The following STK39 variants were observed in gnomAD, a reference collection of about 807,000 sequenced individuals.
STK39 encodes the protein serine/threonine kinase 39, also known as STE20/SPS1-related proline-alanine-rich protein kinase.
A neutral mutation model predicts 77.8 loss-of-function variants in STK39; 20 were observed. That is an observed-to-expected ratio of 0.26 (90% CI 0.18 to 0.37). The LOEUF (loss-of-function observed/expected upper bound fraction) is 0.37, where lower values mean the gene tolerates loss of function less well. Among genes scored for constraint, STK39 ranks in the 10% least tolerant of loss-of-function variants. The pLI is 1.00. For synonymous variants in STK39, 246 were observed against 234.1 expected (o/e 1.05, Z -0.47); for missense variants, 479 against 656.5 (o/e 0.73, Z 2.95).
intron 14 of STK39, among the ~76,000 whole-genome samples, chr2:168,054,685 A>AT (rs200398045): frequency 0.5 from 1,959 of 3,952 alleles, 41 homozygotes; most frequent in African/African-American, 0.51. Flanking sequence ...ATAAGTTAAG[A>AT]CGGTAAACCC....
At position 168,140,646 on chromosome 2, in the gene STK39, T is replaced by A. The variant is rs1355772066; in HGVS notation, c.738+3A>T. The A allele has an allele frequency of 1.3e-6, 2 of 1,590,912 alleles. No individual in the cohort carries two copies. The highest frequency in any genetic ancestry group is 1.1e-5 in the South Asian group (1 of 87,392). ...CAAAAAGTCACTTTTTTTGTTTTTTTACCTGTTCCATGACTTCAGGAGCCA... is the reference window on the plus strand; with the variant it reads ...CAAAAAGTCACTTTTTTTGTTTTTTAACCTGTTCCATGACTTCAGGAGCCA... On this transcript the variant is annotated splice_donor_region_variant and intron_variant, in intron 6 of 17. Coordinates refer to ENST00000355999, the MANE Select transcript of STK39 (RefSeq NM_013233.3).
chr2:168,202,781 A>G (rs1689642801), intron 1 of STK39, among the ~76,000 whole-genome samples: 1 of 152,324 alleles, frequency 6.6e-6, no homozygotes, highest in African/African-American at 2.4e-5. Context: ...AAGAGAGTAA[A>G]GAGGCTGTAA....
chr2:167,955,394 G>T lies in STK39; in HGVS notation c.*102C>A. The T allele has an allele frequency of 1.8e-6, 2 of 1,103,596 alleles. No homozygotes were observed. The highest frequency in any genetic ancestry group is 2.6e-6 in the Non-Finnish European group (2 of 760,542). The allele number at this position is 1,103,596 out of a possible 1,614,324, so 68.4% of individuals were successfully genotyped here. A position where few individuals can be genotyped will look rare whatever the true frequency, so the allele number is the denominator to read the frequency against. On this transcript the variant is annotated 3_prime_UTR_variant, in exon 18 of 18. Coordinates refer to ENST00000355999, the MANE Select transcript of STK39 (RefSeq NM_013233.3). ...AATCTTCTGATTTTGCTAGGAAATG[G>T]GAGTGAGGGGGTGGGAGGAAATGGG...
Position 168,016,948 on chromosome 2 carries a change from A to C in STK39, c.1429+95T>G, listed in dbSNP as rs1033044124. 39 of 959,720 alleles carry C rather than the reference A, an allele frequency of 4.1e-5. No individual in the cohort carries two copies. In the African/African-American group the frequency reaches 4.8e-4, roughly 12 times the overall value. 59.5% of individuals were successfully genotyped at this position (959,720 alleles called of 1,614,324 possible). A position where few individuals can be genotyped will look rare whatever the true frequency, so the allele number is the denominator to read the frequency against. On this transcript the variant is annotated intron_variant, in intron 15 of 17. Transcript: ENST00000355999. Reference sequence around the variant, plus strand: ...CCTTCCTTCCTTCACTATTAAACAAAGCAGTTTTAAATAGCAGATTATAAC... The same window carrying C: ...CCTTCCTTCCTTCACTATTAAACAACGCAGTTTTAAATAGCAGATTATAAC...
At chr2:168,025,236 A>G (rs1403489743) in intron 14 of STK39, among the ~76,000 whole-genome samples, 3 of 152,160 alleles carry the variant, frequency 2.0e-5, no homozygotes, top group East Asian at 3.8e-4. Context: ...ACTGCCCCAG[A>G]GCTGAAAATT....
intron 3 of STK39, among the ~76,000 whole-genome samples, chr2:168,166,476 A>G (rs768765193): frequency 6.6e-6 from 1 of 152,198 alleles, no homozygotes; most frequent in Non-Finnish European, 1.5e-5. Flanking sequence ...CAATAGGATG[A>G]CAATAGTGCC....
chr2:168,078,807 G>T (rs1275608834), intron 10 of STK39, among the ~76,000 whole-genome samples: 2 of 150,240 alleles, frequency 1.3e-5, no homozygotes, highest in East Asian at 3.9e-4. Context: ...CTTCTCCCTG[G>T]AAATGGGATT....
intron 10 of STK39, among the ~76,000 whole-genome samples, chr2:168,087,609 G>A (rs775814791): frequency 6.6e-6 from 1 of 152,160 alleles, no homozygotes; most frequent in Admixed American, 6.5e-5. Context: ...GCCTACCCTG[G>A]GAATGTTAGG....
intron 10 of STK39, among the ~76,000 whole-genome samples, chr2:168,085,258 G>T (rs961888709): frequency 6.6e-6 from 1 of 152,194 alleles, no homozygotes; most frequent in East Asian, 1.9e-4. Flanking sequence ...ATGGCTTAAA[G>T]AACAGAACTT....
At position 168,012,502 on chromosome 2, in the gene STK39, A is replaced by G. The variant is rs945821829; in HGVS notation, c.1498+132T>C. 14 of 730,572 alleles carry G rather than the reference A, an allele frequency of 1.9e-5. No homozygotes were observed. In the African/African-American group the frequency reaches 2.5e-4, roughly 13 times the overall value. 45.3% of individuals were successfully genotyped at this position (730,572 alleles called of 1,614,324 possible). On this transcript the variant is annotated intron_variant, in intron 16 of 17. Transcript: ENST00000355999. ...ATGATTCTTAAATATACTTCTACAT[A>G]AAAGATAAGAATTCAAGAAGAATTC...
intron 10 of STK39, among the ~76,000 whole-genome samples, chr2:168,118,701 C>A (rs1027580429): frequency 6.6e-6 from 1 of 151,940 alleles, no homozygotes; most frequent in Admixed American, 6.6e-5. Flanking sequence ...TCTACCCTCA[C>A]CTCTGCCTAA....
chr2:168,185,662 T>C (rs1689190252), intron 1 of STK39, among the ~76,000 whole-genome samples: 1 of 152,236 alleles, frequency 6.6e-6, no homozygotes, highest in Admixed American at 6.5e-5. Flanking sequence ...GAAATTAACA[T>C]GAAAAACTAC....
At chr2:168,200,417 C>G (rs1689584008) in intron 1 of STK39, among the ~76,000 whole-genome samples, 1 of 152,128 alleles carries the variant, frequency 6.6e-6, no homozygotes, top group Non-Finnish European at 1.5e-5. Context: ...GTAATCCCGG[C>G]ACTTTGGGAG....
intron 10 of STK39, among the ~76,000 whole-genome samples, chr2:168,110,882 A>T (rs1574473074): frequency 6.6e-6 from 1 of 152,276 alleles, no homozygotes; most frequent in East Asian, 1.9e-4. Flanking sequence ...TGTCCTTCCT[A>T]TATTGAGTCT....
chr2:168,000,152 G>A (rs1371450599), intron 16 of STK39, among the ~76,000 whole-genome samples: 3 of 152,134 alleles, frequency 2.0e-5, no homozygotes, highest in Admixed American at 6.5e-5. Context: ...GAATTGCATG[G>A]ATATTTCAGA....
At chr2:168,085,995 C>A (rs1686356530) in intron 10 of STK39, among the ~76,000 whole-genome samples, 1 of 152,188 alleles carries the variant, frequency 6.6e-6, no homozygotes, top group Non-Finnish European at 1.5e-5. Context: ...GTGACCTGAC[C>A]ATCTGGCGCA....
intron 14 of STK39, among the ~76,000 whole-genome samples, chr2:168,039,742 G>A (rs1685056038): frequency 6.6e-6 from 1 of 152,072 alleles, no homozygotes; most frequent in Non-Finnish European, 1.5e-5. Flanking sequence ...TAGCTTCACG[G>A]GTGTACACAG....
At chr2:168,080,527 G>A (rs973881026) in intron 10 of STK39, among the ~76,000 whole-genome samples, 3 of 152,082 alleles carry the variant, frequency 2.0e-5, no homozygotes, top group African/African-American at 7.2e-5. Context: ...CTACTCAGGA[G>A]GCTGAGGCAG....
chr2:168,242,558 AAAATATATATAT>A (rs1690789198), intron 1 of STK39, among the ~76,000 whole-genome samples: 1 of 63,602 alleles, frequency 1.6e-5, no homozygotes, highest in African/African-American at 7.6e-5. Flanking sequence ...AAAAAAAAAA[AAAATATATATAT>A]ATATATATAT....
Sources: allele counts gnomAD v4.1 joint callset (sites outside exome capture counted in the v4.1 genomes callset), GRCh38; gene constraint gnomAD v4.1.1; transcripts MANE v1.5; gene names NCBI Gene and HGNC (gene_info 2026-07-23, HGNC 2026-07-21).